The following BRINP3 variants were observed in gnomAD, a reference collection of about 807,000 sequenced individuals.
The protein encoded by BRINP3 is BMP/retinoic acid-inducible neural-specific protein 3.
A neutral mutation model predicts 71.0 loss-of-function variants in BRINP3; 19 were observed. That is an observed-to-expected ratio of 0.27 (90% CI 0.19 to 0.39). The LOEUF is 0.39. Among genes scored for constraint, BRINP3 ranks in the 10% least tolerant of loss-of-function variants. The pLI, the probability that BRINP3 is intolerant of heterozygous loss-of-function variation, is 1.00. For missense variants in BRINP3, 959 were observed against 940.8 expected (o/e 1.02, Z -0.25); for synonymous variants, 380 against 337.7 (o/e 1.13, Z -1.37).
chr1:190,352,575 T>C (rs1021692744), intron 2 of BRINP3, among the ~76,000 whole-genome samples: 2 of 151,918 alleles, frequency 1.3e-5, no homozygotes, highest in African/African-American at 2.4e-5. Flanking sequence ...AAACATATCA[T>C]ATTTTCCTAC....
rs373331065 is a variant in BRINP3, at chr1:190,421,794, A to T, written c.236+32861T>A. On this transcript the variant is annotated intron_variant, in intron 2 of 7. Transcript: ENST00000367462. The stretch of plus-strand genomic sequence containing the variant: ...AGTTTACTAGCTATAGTTTTTGAGA[A>T]AATCAAAGTGGTCATGATTATGAAA... Among the ~76,000 whole-genome samples, 70 of 151,978 alleles carry T rather than the reference A, an allele frequency of 4.6e-4. 2 individuals are homozygous for T. Among genetic ancestry groups the T allele is most frequent in the African/African-American group, 1.7e-3 (70 of 41,554 alleles).
chr1:190,109,322 T>C (rs957550460), intron 7 of BRINP3, among the ~76,000 whole-genome samples: 1 of 152,144 alleles, frequency 6.6e-6, no homozygotes, highest in Non-Finnish European at 1.5e-5. Flanking sequence ...TACAAAATCA[T>C]ACATAATTAT....
At chr1:190,320,002 T>TC in intron 2 of BRINP3, among the ~76,000 whole-genome samples, 1 of 152,160 alleles carries the variant, frequency 6.6e-6, no homozygotes, top group South Asian at 2.1e-4. Context: ...TAAATTTTGA[T>TC]CTTTGTGATA....
intron 6 of BRINP3, among the ~76,000 whole-genome samples, chr1:190,185,138 C>T (rs865968045): frequency 5.3e-5 from 8 of 151,958 alleles, no homozygotes; most frequent in Middle Eastern, 3.4e-3. Context: ...TTTTGCACAG[C>T]AAAGGAAATA....
chr1:190,335,950 A>G (rs988371793), intron 2 of BRINP3, among the ~76,000 whole-genome samples: 11 of 152,140 alleles, frequency 7.2e-5, no homozygotes, highest in African/African-American at 2.4e-4. Context: ...GATCCCCAAC[A>G]GTAAAAAGAT....
rs35384279 is a variant in BRINP3, at chr1:190,427,862, GT to G, written c.236+26792del. Among the ~76,000 whole-genome samples the G allele has an allele frequency of 3.2e-3, 456 of 140,926 alleles. 1 individual carries two copies. The highest frequency in any genetic ancestry group is 9.0e-3 in the African/African-American group (348 of 38,662). 92.5% of individuals were successfully genotyped at this position (140,926 alleles called of 152,430 possible). ...AGGTATTAAGCCTAGTATGCATTAG[GT>G]TTTTTTTTTTTTTCATTTTCTCCTT... On this transcript the variant is annotated intron_variant, in intron 2 of 7. Coordinates refer to ENST00000367462, the MANE Select transcript of BRINP3 (RefSeq NM_199051.3).
intron 2 of BRINP3, among the ~76,000 whole-genome samples, chr1:190,336,206 C>T (rs1667271329): frequency 6.6e-6 from 1 of 151,914 alleles, no homozygotes; most frequent in Non-Finnish European, 1.5e-5. Context: ...TATACAAATG[C>T]CTAACAGTTC....
At chr1:190,199,185 A>C (rs1654767626) in intron 6 of BRINP3, among the ~76,000 whole-genome samples, 1 of 152,170 alleles carries the variant, frequency 6.6e-6, no homozygotes, top group Non-Finnish European at 1.5e-5. Flanking sequence ...ACCCATTTCC[A>C]TCATTCAATT....
chr1:190,438,333 ATATT>A (rs1210777590), intron 2 of BRINP3, among the ~76,000 whole-genome samples: 1 of 151,754 alleles, frequency 6.6e-6, no homozygotes, highest in Non-Finnish European at 1.5e-5. Flanking sequence ...TTTTAGGTTT[ATATT>A]TATTTAGATA....
At chr1:190,422,481 C>T (rs1673449289) in intron 2 of BRINP3, among the ~76,000 whole-genome samples, 1 of 151,766 alleles carries the variant, frequency 6.6e-6, no homozygotes, top group Admixed American at 6.6e-5. Flanking sequence ...AAAACTGACA[C>T]CTGCTCTAGG....
At chr1:190,349,286 A>T (rs1209384397) in intron 2 of BRINP3, among the ~76,000 whole-genome samples, 1 of 152,044 alleles carries the variant, frequency 6.6e-6, no homozygotes, top group Non-Finnish European at 1.5e-5. Flanking sequence ...AATTTCACCA[A>T]CTTTAAATTT....
chr1:190,153,370 G>A (rs1321150023), intron 7 of BRINP3, among the ~76,000 whole-genome samples: 3 of 152,004 alleles, frequency 2.0e-5, no homozygotes, highest in African/African-American at 4.8e-5. Flanking sequence ...AAGAAAAGGG[G>A]TTTTCTGTTT....
chr1:190,161,333 T>C (rs956236588), intron 6 of BRINP3, among the ~76,000 whole-genome samples: 2 of 151,710 alleles, frequency 1.3e-5, no homozygotes, highest in Admixed American at 6.6e-5. Context: ...GAATAGAAAA[T>C]ATATAAAACC....
chr1:190,419,303 T>G (rs572052028), intron 2 of BRINP3, among the ~76,000 whole-genome samples: 2 of 152,064 alleles, frequency 1.3e-5, no homozygotes, highest in African/African-American at 2.4e-5. Flanking sequence ...AATTAAGAGT[T>G]AAGAAATCAG....
At chr1:190,381,120 T>C (rs1235985283) in intron 2 of BRINP3, among the ~76,000 whole-genome samples, 1 of 152,114 alleles carries the variant, frequency 6.6e-6, no homozygotes, top group African/African-American at 2.4e-5. Context: ...CTATACCCCA[T>C]GATATCATGT....
At chr1:190,271,712 G>T (rs985582000) in intron 3 of BRINP3, among the ~76,000 whole-genome samples, 1 of 151,456 alleles carries the variant, frequency 6.6e-6, no homozygotes, top group African/African-American at 2.4e-5. Context: ...TCAGATAAAT[G>T]CTTTTCAGAT....
At position 190,299,586 on chromosome 1, in the gene BRINP3, C is replaced by A. The variant is rs368254951; in HGVS notation, c.237-17836G>T. ...CTCCCAATGCTATCCCACCCCCCTC[C>A]CCCCACCCCACAACAGTCCCCAGAG... is the stretch of plus-strand genomic sequence containing the variant. On this transcript the variant is annotated intron_variant, in intron 2 of 7. Transcript: ENST00000367462. Among the ~76,000 whole-genome samples, 3 of 108,600 alleles carry A rather than the reference C, an allele frequency of 2.8e-5. No homozygotes were observed. The South Asian group carries it at 1.1e-3, about 41-fold the overall frequency. 71.2% of individuals were successfully genotyped at this position (108,600 alleles called of 152,430 possible).
chr1:190,254,205 C>T (rs142752230), intron 4 of BRINP3, among the ~76,000 whole-genome samples: 30,661 of 151,950 alleles, frequency 0.2, 3,598 homozygotes, highest in Middle Eastern at 0.28. Flanking sequence ...TAGTGTGATG[C>T]CTCCAGCTTT....
intron 6 of BRINP3, among the ~76,000 whole-genome samples, chr1:190,188,541 C>A (rs1653743254): frequency 6.6e-6 from 1 of 152,042 alleles, no homozygotes; most frequent in Non-Finnish European, 1.5e-5. Flanking sequence ...TTCTTCTATA[C>A]CTTATTAGTT....
Sources: allele counts gnomAD v4.1 joint callset (sites outside exome capture counted in the v4.1 genomes callset), GRCh38; gene constraint gnomAD v4.1.1; transcripts MANE v1.5; gene names NCBI Gene and HGNC (gene_info 2026-07-23, HGNC 2026-07-21).